The following COL5A2 variants were observed in gnomAD, a reference collection of about 807,000 sequenced individuals.
COL5A2 encodes collagen type V alpha 2 chain, also known as collagen alpha-2(V) chain.
A neutral mutation model predicts 208.2 loss-of-function variants in COL5A2; 23 were observed. The ratio of observed to expected loss-of-function variants is 0.11; its 90% confidence interval spans 0.08 to 0.16. The LOEUF is 0.16. COL5A2 is among the 10% of genes least tolerant of loss of function. COL5A2 has a pLI of 1.00. For missense variants in COL5A2, 1,590 were observed against 1,956.4 expected (o/e 0.81, Z 3.53); for synonymous variants, 625 against 628.5 (o/e 0.99, Z 0.08).
chr2:189,114,710 G>A (rs1249104116), intron 1 of COL5A2, among the ~76,000 whole-genome samples: 1 of 151,548 alleles, frequency 6.6e-6, no homozygotes, highest in African/African-American at 2.4e-5. Flanking sequence ...TTGCGGGAGG[G>A]AGAGCATTAG....
chr2:189,274,454 A>G, the COL5A2 span, among the ~76,000 whole-genome samples: 1 of 152,148 alleles, frequency 6.6e-6, no homozygotes, highest in African/African-American at 2.4e-5. Flanking sequence ...GTTCAGCCTT[A>G]CAAATGCTCC....
the COL5A2 span, among the ~76,000 whole-genome samples, chr2:189,246,602 G>A: frequency 1.4e-4 from 21 of 152,196 alleles, 1 homozygote; most frequent in Admixed American, 1.4e-3. Flanking sequence ...ATAAGAGGCT[G>A]AGAAACCTCA....
intron 3 of COL5A2, among the ~76,000 whole-genome samples, chr2:189,101,579 A>G (rs1687047294): frequency 6.6e-6 from 1 of 152,138 alleles, no homozygotes. Context: ...TTTGTGGACT[A>G]AAGACATTTT....
At chr2:189,122,909 C>A (rs180752125) in intron 1 of COL5A2, among the ~76,000 whole-genome samples, 1 of 151,832 alleles carries the variant, frequency 6.6e-6, no homozygotes, top group South Asian at 2.1e-4. Flanking sequence ...GGTAAAGCCA[C>A]GAGACACTAG....
the COL5A2 span, among the ~76,000 whole-genome samples, chr2:189,352,818 T>G: frequency 3.9e-5 from 6 of 152,226 alleles, no homozygotes; most frequent in African/African-American, 1.4e-4. Context: ...CAATGTTGGC[T>G]TCTGTTGCCA....
chr2:189,277,224 C>T, the COL5A2 span, among the ~76,000 whole-genome samples: 1 of 152,006 alleles, frequency 6.6e-6, no homozygotes, highest in African/African-American at 2.4e-5. Context: ...ATATTGTTTA[C>T]CCAAAATCGA....
intron 1 of COL5A2, among the ~76,000 whole-genome samples, chr2:189,210,101 A>G (rs974581726): frequency 1.3e-5 from 2 of 152,214 alleles, no homozygotes; most frequent in African/African-American, 2.4e-5. Context: ...GAAGAAATAT[A>G]TATTAAGCAA....
At chr2:189,432,470 T>A in the COL5A2 span, among the ~76,000 whole-genome samples, 28 of 151,964 alleles carry the variant, frequency 1.8e-4, no homozygotes, top group African/African-American at 6.5e-4. Context: ...AGGCTCAAAA[T>A]AAAGGGATGG....
the COL5A2 span, among the ~76,000 whole-genome samples, chr2:189,313,857 A>C: frequency 1.3e-5 from 2 of 152,356 alleles, no homozygotes; most frequent in Admixed American, 6.5e-5. Flanking sequence ...AGGGCATTAC[A>C]TAATGGTAAA....
chr2:189,051,428 T>G lies in COL5A2; in HGVS notation c.2823A>C (p.Pro941=), dbSNP rs750455762. The stretch of plus-strand genomic sequence containing the variant: ...GAGAGCCAGGGTCCCCACGAAGACC[T>G]GGAGGTCCCTCCTTCCCGGGTTCCC... ...PLGEPGKEGP[P]GLRGDPGSHG... The change falls in exon 42 of 54, where the codon CCA becomes CCC. Residue 941 remains proline (P), a synonymous_variant. Coordinates refer to ENST00000374866, the MANE Select transcript of COL5A2 (RefSeq NM_000393.5). 11 of 1,613,532 alleles carry G rather than the reference T, an allele frequency of 6.8e-6. 1 individual carries two copies. The highest frequency in any genetic ancestry group is 1.7e-4 in the Middle Eastern group (1 of 6,058).
At chr2:189,204,533 T>C (rs1224367705) in intron 1 of COL5A2, among the ~76,000 whole-genome samples, 1 of 152,246 alleles carries the variant, frequency 6.6e-6, no homozygotes, top group African/African-American at 2.4e-5. Flanking sequence ...ATTTCAGTAA[T>C]TCTTAAATTG....
chr2:189,232,626 C>A, the COL5A2 span, among the ~76,000 whole-genome samples: 6 of 151,770 alleles, frequency 4.0e-5, no homozygotes, highest in South Asian at 1.2e-3. Flanking sequence ...ATGTCCCCCG[C>A]AAATTCACAG....
chr2:189,249,124 G>A, the COL5A2 span, among the ~76,000 whole-genome samples: 1 of 152,108 alleles, frequency 6.6e-6, no homozygotes, highest in Non-Finnish European at 1.5e-5. Flanking sequence ...AATATATACA[G>A]TAGGCATATA....
intron 1 of COL5A2, among the ~76,000 whole-genome samples, chr2:189,124,537 C>T (rs1188459342): frequency 1.3e-5 from 2 of 152,018 alleles, no homozygotes; most frequent in Admixed American, 1.3e-4. Context: ...ACCATGCTTG[C>T]TATTTCACTT....
Position 189,085,218 on chromosome 2 carries a change from T to G in COL5A2, c.745-5A>C, listed in dbSNP as rs748204895. 21 of 1,608,620 alleles carry G rather than the reference T, an allele frequency of 1.3e-5. No individual in the cohort carries two copies. Among genetic ancestry groups the G allele is most frequent in the Non-Finnish European group, 1.7e-5 (20 of 1,177,084 alleles). ...TCCACGTGAACCAATCGGACCCTAATAACAGAACAAAACAAAAGGAAAAAA... is the reference window on the plus strand; with the variant it reads ...TCCACGTGAACCAATCGGACCCTAAGAACAGAACAAAACAAAAGGAAAAAA... On this transcript the variant is annotated splice_polypyrimidine_tract_variant and splice_region_variant and intron_variant, in intron 10 of 53. Coordinates refer to ENST00000374866, the MANE Select transcript of COL5A2 (RefSeq NM_000393.5).
At chr2:189,403,639 T>A in the COL5A2 span, among the ~76,000 whole-genome samples, 1 of 152,220 alleles carries the variant, frequency 6.6e-6, no homozygotes, top group African/African-American at 2.4e-5. Flanking sequence ...GGATGTTGAA[T>A]TTTATTGAAG....
the COL5A2 span, among the ~76,000 whole-genome samples, chr2:189,323,579 A>C: frequency 1.9e-4 from 29 of 152,182 alleles, no homozygotes; most frequent in Non-Finnish European, 1.6e-4. Flanking sequence ...CATTTGCTTC[A>C]AAGAGAATAA....
At chr2:189,420,456 T>C in the COL5A2 span, among the ~76,000 whole-genome samples, 21 of 152,134 alleles carry the variant, frequency 1.4e-4, no homozygotes, top group African/African-American at 4.8e-4. Flanking sequence ...TGCCAGGAGT[T>C]TTCTCCATAT....
At chr2:189,299,195 T>C in the COL5A2 span, among the ~76,000 whole-genome samples, 1 of 152,232 alleles carries the variant, frequency 6.6e-6, no homozygotes, top group East Asian at 1.9e-4. Flanking sequence ...TATTTACTAT[T>C]TTGCTGGCTT....
Sources: allele counts gnomAD v4.1 joint callset (sites outside exome capture counted in the v4.1 genomes callset), GRCh38; gene constraint gnomAD v4.1.1; transcripts MANE v1.5; gene names NCBI Gene and HGNC (gene_info 2026-07-23, HGNC 2026-07-21).